Variants in NKAIN2 observed in about 807,000 individuals in gnomAD.
The protein encoded by NKAIN2 is sodium/potassium-transporting ATPase subunit beta-1-interacting protein 2.
NKAIN2 carries 14 observed loss-of-function variants against 32.6 expected under a neutral mutation model. The ratio of observed to expected loss-of-function variants is 0.43; its 90% CI spans 0.28 to 0.67. The LOEUF is 0.67. Among genes scored for constraint, NKAIN2 ranks in the 30% least tolerant of loss-of-function variants. The pLI is 0.17. For synonymous variants in NKAIN2, 80 were observed against 87.2 expected (o/e 0.92, Z 0.46); for missense variants, 198 against 258.3 (o/e 0.77, Z 1.60).
chr6:124,561,900 A>C (rs1780709363), intron 3 of NKAIN2, among the ~76,000 whole-genome samples: 1 of 152,214 alleles, frequency 6.6e-6, no homozygotes, highest in Admixed American at 6.5e-5. Flanking sequence ...AATTCTCTAC[A>C]TAAGTCAAAG....
At chr6:123,908,580 A>G (rs1391335775) in intron 1 of NKAIN2, among the ~76,000 whole-genome samples, 3 of 152,218 alleles carry the variant, frequency 2.0e-5, no homozygotes, top group Non-Finnish European at 4.4e-5. Context: ...AAACATGACC[A>G]TGAACTTCTA....
chr6:124,726,340 C>G (rs1776305537), intron 4 of NKAIN2, among the ~76,000 whole-genome samples: 1 of 152,172 alleles, frequency 6.6e-6, no homozygotes, highest in South Asian at 2.1e-4. Context: ...AGTGGTTCTC[C>G]CAGCACACAG....
chr6:124,063,231 T>C (rs905078177), intron 1 of NKAIN2, among the ~76,000 whole-genome samples: 3 of 151,978 alleles, frequency 2.0e-5, no homozygotes, highest in Admixed American at 6.6e-5. Flanking sequence ...ATTCTCATTA[T>C]GGAAAAAAAT....
chr6:124,018,676 C>T (rs1780712391), intron 1 of NKAIN2, among the ~76,000 whole-genome samples: 1 of 152,152 alleles, frequency 6.6e-6, no homozygotes, highest in Non-Finnish European at 1.5e-5. Flanking sequence ...TCTGAGGCAC[C>T]TCAACCTGGA....
chr6:124,563,512 C>T (rs1018355784), intron 3 of NKAIN2, among the ~76,000 whole-genome samples: 6 of 152,194 alleles, frequency 3.9e-5, no homozygotes, highest in African/African-American at 1.4e-4. Flanking sequence ...TTTGTACTTT[C>T]CAGGACAACC....
intron 3 of NKAIN2, among the ~76,000 whole-genome samples, chr6:124,507,208 C>T (rs1442132749): frequency 6.6e-6 from 1 of 152,114 alleles, no homozygotes; most frequent in Admixed American, 6.5e-5. Context: ...TTTCACTGCA[C>T]CCTTGAAAAT....
chr6:124,001,658 G>C (rs1192237052), intron 1 of NKAIN2, among the ~76,000 whole-genome samples: 8 of 151,658 alleles, frequency 5.3e-5, no homozygotes, highest in Admixed American at 4.6e-4. Context: ...ATTTATTTAG[G>C]TGCCAAATTG....
At chr6:124,234,800 CA>C (rs1248037543) in intron 1 of NKAIN2, among the ~76,000 whole-genome samples, 3 of 152,110 alleles carry the variant, frequency 2.0e-5, no homozygotes, top group East Asian at 1.9e-4. Flanking sequence ...CTAAAACTAA[CA>C]AAAAAGTTGT....
chr6:123,837,641 T>G (rs568393109), intron 1 of NKAIN2, among the ~76,000 whole-genome samples: 2 of 152,272 alleles, frequency 1.3e-5, no homozygotes, highest in African/African-American at 4.8e-5. Context: ...ATTCATGTCT[T>G]TCCTCCACTC....
At chr6:124,088,402 A>G (rs1285915744) in intron 1 of NKAIN2, among the ~76,000 whole-genome samples, 1 of 151,930 alleles carries the variant, frequency 6.6e-6, no homozygotes, top group Non-Finnish European at 1.5e-5. Flanking sequence ...GAGTGAGACC[A>G]TGTCTCAAAA....
intron 3 of NKAIN2, among the ~76,000 whole-genome samples, chr6:124,511,351 A>C (rs986149149): frequency 6.6e-6 from 1 of 152,204 alleles, no homozygotes; most frequent in African/African-American, 2.4e-5. Context: ...GAGTTCTGAG[A>C]GCTGATTGTG....
intron 2 of NKAIN2, among the ~76,000 whole-genome samples, chr6:124,285,908 GA>G (rs1341708437): frequency 2.6e-5 from 4 of 151,900 alleles, no homozygotes; most frequent in Non-Finnish European, 5.9e-5. Flanking sequence ...AAATCATAAG[GA>G]AAATATATTT....
At chr6:124,349,120 G>A (rs750685906) in intron 2 of NKAIN2, among the ~76,000 whole-genome samples, 2 of 152,114 alleles carry the variant, frequency 1.3e-5, no homozygotes, top group Non-Finnish European at 2.9e-5. Flanking sequence ...AGAGGACCAG[G>A]ATAATTTAGA....
chr6:124,409,513 T>G (rs373264187), intron 3 of NKAIN2, among the ~76,000 whole-genome samples: 14 of 152,220 alleles, frequency 9.2e-5, no homozygotes, highest in East Asian at 5.8e-4. Flanking sequence ...TTTTCCTATG[T>G]TGGACCAGCC....
At chr6:123,938,539 ATATAT>A (rs1329919638) in intron 1 of NKAIN2, among the ~76,000 whole-genome samples, 7 of 138,872 alleles carry the variant, frequency 5.0e-5, no homozygotes, top group African/African-American at 1.8e-4. Flanking sequence ...TATATTTTTT[ATATAT>A]TATATATTTA....
chr6:124,567,469 C>T (rs1267368629), intron 3 of NKAIN2, among the ~76,000 whole-genome samples: 1 of 152,202 alleles, frequency 6.6e-6, no homozygotes, highest in Non-Finnish European at 1.5e-5. Context: ...TTTAGCAGCT[C>T]TCCGTCTCCT....
At chr6:124,725,540 T>C (rs1367193203) in intron 4 of NKAIN2, among the ~76,000 whole-genome samples, 1 of 152,242 alleles carries the variant, frequency 6.6e-6, no homozygotes, top group Non-Finnish European at 1.5e-5. Context: ...ATGAATATCA[T>C]ATGCCAAGTT....
chr6:124,149,722 T>G (rs538743815), intron 1 of NKAIN2, among the ~76,000 whole-genome samples: 3 of 152,268 alleles, frequency 2.0e-5, no homozygotes, highest in Non-Finnish European at 4.4e-5. Flanking sequence ...AATCAGGAAA[T>G]GTACATACCC....
chr6:124,631,523 A>C (rs2114309534), intron 3 of NKAIN2, among the ~76,000 whole-genome samples: 1 of 152,262 alleles, frequency 6.6e-6, no homozygotes, highest in African/African-American at 2.4e-5. Flanking sequence ...CAGGTCTTTG[A>C]GTGCAGGCTT....
Sources: gnomAD v4.1 joint callset for allele counts (sites outside exome capture counted in the v4.1 genomes callset) on GRCh38, gnomAD v4.1.1 for gene constraint, MANE v1.5 for transcripts, NCBI Gene and HGNC (gene_info 2026-07-23, HGNC 2026-07-21) for gene names.